FTO: variants seen among roughly 807,000 people sequenced by gnomAD.
FTO encodes the protein FTO alpha-ketoglutarate dependent dioxygenase.
A neutral mutation model predicts 63.9 loss-of-function variants in FTO; 47 were observed. That is an observed-to-expected ratio of 0.74 (90% CI 0.58 to 0.94). FTO has a LOEUF of 0.94. Ranked by LOEUF, FTO falls within the 40% of genes least tolerant of loss-of-function variation. FTO has a pLI of 0.00. For missense variants in FTO, 562 were observed against 618.1 expected (o/e 0.91, Z 0.96); for synonymous variants, 207 against 224.4 (o/e 0.92, Z 0.69).
intron 8 of FTO, among the ~76,000 whole-genome samples, chr16:53,970,480 C>G (rs1163471139): frequency 1.3e-5 from 2 of 151,322 alleles, no homozygotes; most frequent in African/African-American, 4.9e-5. Context: ...ATCCCAACTA[C>G]TCGGGAGGCT....
intron 8 of FTO, chr16:53,999,692 A>G (rs2143981093): frequency 6.6e-6 from 1 of 152,258 alleles, no homozygotes; most frequent in Middle Eastern, 3.4e-3. Context: ...ACTGACCTTC[A>G]TTTTACCTCT....
intron 8 of FTO, among the ~76,000 whole-genome samples, chr16:54,021,550 C>T (rs564845838): frequency 4.6e-5 from 7 of 152,234 alleles, no homozygotes; most frequent in Admixed American, 1.3e-4. Context: ...AGTGCAGTGT[C>T]GCAATCTCGG....
intron 8 of FTO, among the ~76,000 whole-genome samples, chr16:54,036,719 A>C (rs2084948319): frequency 1.3e-5 from 2 of 152,206 alleles, no homozygotes; most frequent in African/African-American, 2.4e-5. Context: ...TCATTGCCTC[A>C]GTTTCTCTTC....
intron 8 of FTO, among the ~76,000 whole-genome samples, chr16:54,055,712 A>G (rs1361025643): frequency 1.3e-5 from 2 of 152,242 alleles, no homozygotes; most frequent in Non-Finnish European, 2.9e-5. Flanking sequence ...ATGTATGCCC[A>G]TGTCTATTAT....
chr16:53,826,029 A>G lies in FTO; in HGVS notation c.289A>G (p.Ile97Val), dbSNP rs368658799. ...GKDLLTPVSR[I>V]LIGNPGCTYK... Reference sequence around the variant, plus strand: ...AGATCTGCTCACTCCGGTATCTCGCATCCTCATTGGTAATCCAGGCTGCAC... The same window carrying G: ...AGATCTGCTCACTCCGGTATCTCGCGTCCTCATTGGTAATCCAGGCTGCAC... The change falls in exon 3 of 9, where the codon ATC becomes GTC. Residue 97 changes from isoleucine to valine, a missense_variant. Physicochemically the swap from Ile to Val is conservative, Grantham distance 29 (BLOSUM62 3). Transcript: ENST00000471389. 5 of 1,614,072 alleles carry G rather than the reference A, an allele frequency of 3.1e-6. No individual in the cohort carries two copies. In the African/African-American group the frequency reaches 6.7e-5, roughly 22 times the overall value.
chr16:53,947,377 T>C (rs2082674971), intron 8 of FTO, among the ~76,000 whole-genome samples: 3 of 152,198 alleles, frequency 2.0e-5, no homozygotes, highest in Non-Finnish European at 4.4e-5. Context: ...CTCTTCTCTG[T>C]TGTCATGATG....
intron 4 of FTO, 81 bp from the exon 5 acceptor site, chr16:53,873,705 C>T (rs1344848917): frequency 6.7e-6 from 7 of 1,051,234 alleles, no homozygotes; most frequent in Non-Finnish European, 8.7e-6. Context: ...TTACTGTTTA[C>T]TTTGTGTTTT....
chr16:54,098,067 G>C (rs182819290), intron 8 of FTO, among the ~76,000 whole-genome samples: 1 of 152,328 alleles, frequency 6.6e-6, no homozygotes, highest in East Asian at 1.9e-4. Flanking sequence ...TGAGTGCAAG[G>C]AGAGGGCAGA....
At chr16:54,100,712 G>T (rs1436851653) in intron 8 of FTO, among the ~76,000 whole-genome samples, 2 of 152,142 alleles carry the variant, frequency 1.3e-5, no homozygotes, top group African/African-American at 4.8e-5. Flanking sequence ...TGTGAGAGGA[G>T]ATGTCATCGA....
At chr16:53,767,491 C>G (rs1337500843) in intron 1 of FTO, among the ~76,000 whole-genome samples, 1 of 151,766 alleles carries the variant, frequency 6.6e-6, no homozygotes, top group Non-Finnish European at 1.5e-5. Flanking sequence ...TACCCTAAAA[C>G]TTAAAGTATA....
At chr16:53,936,628 A>T (rs540901781) in intron 8 of FTO, among the ~76,000 whole-genome samples, 1 of 152,332 alleles carries the variant, frequency 6.6e-6, no homozygotes, top group African/African-American at 2.4e-5. Context: ...GGAATTACAC[A>T]AGGAAAAATG....
chr16:54,026,028 C>A (rs2084707507), intron 8 of FTO, among the ~76,000 whole-genome samples: 1 of 151,950 alleles, frequency 6.6e-6, no homozygotes, highest in Non-Finnish European at 1.5e-5. Flanking sequence ...AAAAAAATTA[C>A]TTATTTTTAT....
chr16:53,718,641 C>A (rs1414508964), intron 1 of FTO, among the ~76,000 whole-genome samples: 1 of 151,702 alleles, frequency 6.6e-6, no homozygotes, highest in Non-Finnish European at 1.5e-5. Flanking sequence ...TGGCAGTTAT[C>A]TTTGATTCTT....
rs1212183550 is a variant in FTO at position 53,964,879 on chromosome 16, T to C, written c.1364+30770T>C. On this transcript the variant is annotated intron_variant, in intron 8 of 8. Coordinates refer to ENST00000471389, the MANE Select transcript of FTO (RefSeq NM_001080432.3). ...GAAGATTTCATTTTATGGATACATA[T>C]GAGACATTAGATTATTATTTTCTAG... Among the ~76,000 whole-genome samples the C allele has an allele frequency of 2.6e-5, 4 of 152,226 alleles. No homozygotes were observed. The South Asian group carries it at 8.3e-4, about 32-fold the overall frequency.
intron 7 of FTO, among the ~76,000 whole-genome samples, chr16:53,910,854 G>A (rs2081672879): frequency 6.6e-6 from 1 of 152,088 alleles, no homozygotes; most frequent in Admixed American, 6.6e-5. Flanking sequence ...TTTTAGATAG[G>A]TACATAGAAT....
At chr16:53,815,498 C>T (rs570993267) in intron 2 of FTO, among the ~76,000 whole-genome samples, 11 of 152,212 alleles carry the variant, frequency 7.2e-5, no homozygotes, top group South Asian at 2.1e-4. Flanking sequence ...TCCTGATTAG[C>T]GTTCCTCATG....
chr16:53,997,164 A>G (rs1237167219), intron 8 of FTO, among the ~76,000 whole-genome samples: 3 of 149,614 alleles, frequency 2.0e-5, no homozygotes, highest in Non-Finnish European at 4.5e-5. Context: ...GAGAGAGAGA[A>G]AAGAGAGAGG....
At chr16:54,014,984 T>G (rs1567517494) in intron 8 of FTO, among the ~76,000 whole-genome samples, 1 of 151,380 alleles carries the variant, frequency 6.6e-6, no homozygotes. Context: ...GCCTCTCAAG[T>G]AGCTAGGACT....
At chr16:53,833,616 A>G (rs72805634) in intron 3 of FTO, among the ~76,000 whole-genome samples, 2,034 of 152,298 alleles carry the variant, frequency 0.013, 84 homozygotes, top group East Asian at 0.1. Context: ...TGCTGGATCA[A>G]ATGATAGGTC....
Sources: allele counts gnomAD v4.1 joint callset (sites outside exome capture counted in the v4.1 genomes callset), GRCh38; gene constraint gnomAD v4.1.1; transcripts MANE v1.5; gene names NCBI Gene and HGNC (gene_info 2026-07-23, HGNC 2026-07-21).